The following TMEM50A variants were observed in gnomAD, a reference collection of about 807,000 sequenced individuals.
TMEM50A encodes transmembrane protein 50A, also known as cervical cancer oncogene 9.
TMEM50A carries 8 observed loss-of-function variants against 23.9 expected under a neutral mutation model. That is an observed-to-expected ratio of 0.33 (90% CI 0.20 to 0.60). TMEM50A has a LOEUF of 0.60. Ranked by LOEUF, TMEM50A falls within the 20% of genes least tolerant of loss-of-function variation. The pLI, the probability that TMEM50A is intolerant of heterozygous loss-of-function variation, is 0.81. For synonymous variants in TMEM50A, 55 were observed against 60.4 expected, an observed-to-expected ratio of 0.91 and a Z score of 0.41; for missense variants, 178 against 192.7, an observed-to-expected ratio of 0.92 and a Z score of 0.45.
At chr1:25,353,796 T>C (rs1395213878) in intron 5 of TMEM50A, among the ~76,000 whole-genome samples, 1 of 152,170 alleles carries the variant, frequency 6.6e-6, no homozygotes, top group African/African-American at 2.4e-5. Flanking sequence ...ATGGGTGTCA[T>C]AGTAAAAATA....
At chr1:25,359,750 C>T (rs902035176) in intron 6 of TMEM50A, among the ~76,000 whole-genome samples, 6 of 152,014 alleles carry the variant, frequency 3.9e-5, no homozygotes, top group Admixed American at 6.6e-5. Flanking sequence ...TTCCTGTCCC[C>T]GAAACACCTG....
intron 3 of TMEM50A, among the ~76,000 whole-genome samples, chr1:25,348,706 T>A (rs984637977): frequency 1.3e-5 from 2 of 151,072 alleles, no homozygotes; most frequent in African/African-American, 4.9e-5. Context: ...AAGTAGGATA[T>A]GCCAATAAGC....
intron 3 of TMEM50A, among the ~76,000 whole-genome samples, chr1:25,346,368 A>G (rs901727175): frequency 1.3e-5 from 2 of 151,968 alleles, no homozygotes; most frequent in Non-Finnish European, 2.9e-5. Flanking sequence ...CCTAAGAACT[A>G]CAAAAGAATC....
Position 25,353,942 on chromosome 1 carries a change from G to A in TMEM50A, c.367+968G>A, listed in dbSNP as rs928765603. On this transcript the variant is annotated intron_variant, in intron 5 of 6. Coordinates refer to ENST00000374358, the MANE Select transcript of TMEM50A (RefSeq NM_014313.4). Reference sequence around the variant, plus strand: ...TTTATTAAAATCATTTAATCTCATAGATGGGAGTAATAGATATTTCCAAAT... The same window carrying A: ...TTTATTAAAATCATTTAATCTCATAAATGGGAGTAATAGATATTTCCAAAT... Among the ~76,000 whole-genome samples the A allele has an allele frequency of 7.9e-5, 12 of 152,114 alleles. 1 individual carries two copies. In the South Asian group the frequency reaches 2.5e-3, roughly 32 times the overall value.
intron 5 of TMEM50A, among the ~76,000 whole-genome samples, chr1:25,355,920 C>T (rs951411483): frequency 2.0e-5 from 3 of 152,216 alleles, no homozygotes; most frequent in Admixed American, 2.0e-4. Context: ...TCAAAGATGA[C>T]ATTTGTCTTC....
chr1:25,339,669 C>T (rs2124229961), intron 1 of TMEM50A, among the ~76,000 whole-genome samples: 1 of 152,274 alleles, frequency 6.6e-6, no homozygotes, highest in African/African-American at 2.4e-5. Context: ...TATCACTTGT[C>T]TCTCTACTAA....
intron 5 of TMEM50A, among the ~76,000 whole-genome samples, chr1:25,354,326 T>A (rs1260203251): frequency 6.6e-6 from 1 of 152,014 alleles, no homozygotes; most frequent in Non-Finnish European, 1.5e-5. Flanking sequence ...TTACCAAAAT[T>A]GTAGAAAATA....
intron 3 of TMEM50A, among the ~76,000 whole-genome samples, chr1:25,345,321 C>T (rs1645203277): frequency 6.6e-6 from 1 of 152,178 alleles, no homozygotes; most frequent in South Asian, 2.1e-4. Flanking sequence ...TGGCTCACGC[C>T]TGTAATCCCA....
At chr1:25,341,385 A>C (rs757517615) in intron 2 of TMEM50A, among the ~76,000 whole-genome samples, 12 of 151,878 alleles carry the variant, frequency 7.9e-5, no homozygotes, top group Non-Finnish European at 1.8e-4. Context: ...CAGCCTCCCG[A>C]GTAGCTGGGA....
intron 3 of TMEM50A, among the ~76,000 whole-genome samples, chr1:25,345,104 C>G (rs1295163096): frequency 6.6e-6 from 1 of 150,720 alleles, no homozygotes; most frequent in Non-Finnish European, 1.5e-5. Flanking sequence ...CACTGTTTTT[C>G]CAGTTACCAC....
chr1:25,350,680 G>A (rs1358672504), intron 3 of TMEM50A, among the ~76,000 whole-genome samples: 2 of 151,546 alleles, frequency 1.3e-5, no homozygotes, highest in Non-Finnish European at 2.9e-5. Flanking sequence ...GAACCACCAC[G>A]CCCAGCCTCG....
chr1:25,354,257 T>TG (rs994445576), intron 5 of TMEM50A, among the ~76,000 whole-genome samples: 1 of 152,194 alleles, frequency 6.6e-6, no homozygotes, highest in Non-Finnish European at 1.5e-5. Context: ...CCCAAAGTGC[T>TG]GGGATTACAG....
intron 6 of TMEM50A, among the ~76,000 whole-genome samples, chr1:25,359,085 C>G (rs1263021286): frequency 6.6e-6 from 1 of 152,184 alleles, no homozygotes; most frequent in African/African-American, 2.4e-5. Flanking sequence ...GTGCCTGGGA[C>G]TGCGCACCAG....
intron 6 of TMEM50A, 88 bp from the exon 7 acceptor site, chr1:25,360,572 C>T (rs1571811263): frequency 1.3e-5 from 18 of 1,432,282 alleles, no homozygotes; most frequent in African/African-American, 8.5e-5. Flanking sequence ...AATTATTCTT[C>T]GTTGTTTGTT....
rs60773283 is a variant in TMEM50A, at chr1:25,357,609, AGTGTGT to A, written c.428+791_428+796del. 3.0e-3 allele frequency among the ~76,000 whole-genome samples: 334 copies of A among 111,530 alleles called. 3 individuals carry two copies. Among genetic ancestry groups the A allele is most frequent in the African/African-American group, 0.011 (310 of 28,256 alleles). 73.2% of individuals were successfully genotyped at this position (111,530 alleles called of 152,430 possible). A position where few individuals can be genotyped will look rare whatever the true frequency, so the allele number is the denominator to read the frequency against. ...GAGACAGAGTCTCAGTCTCTCACCC[AGTGTGT>A]GTGTGTGTGTGTGTGTGTGTGTGTG... On this transcript the variant is annotated intron_variant, in intron 6 of 6. Transcript: ENST00000374358.
At chr1:25,351,838 C>T (rs1645278360) in intron 4 of TMEM50A, 145 bp downstream of exon 4, 1 of 713,190 alleles carries the variant, frequency 1.4e-6, no homozygotes, top group Non-Finnish European at 2.2e-6. Flanking sequence ...ATGTTTTGGG[C>T]TTGAAATTGG....
chr1:25,351,180 AAAGG>A (rs1278638994), intron 3 of TMEM50A, among the ~76,000 whole-genome samples: 3 of 151,820 alleles, frequency 2.0e-5, no homozygotes, highest in African/African-American at 7.3e-5. Flanking sequence ...AAAAAAAAAA[AAAGG>A]AGTATCTGGT....
chr1:25,349,375 T>C (rs1197771355), intron 3 of TMEM50A, among the ~76,000 whole-genome samples: 4 of 152,220 alleles, frequency 2.6e-5, no homozygotes, highest in Non-Finnish European at 4.4e-5. Context: ...CACAGAGGGC[T>C]CTGAAGTTTA....
At chr1:25,359,759 T>A (rs1330952839) in intron 6 of TMEM50A, among the ~76,000 whole-genome samples, 1 of 152,166 alleles carries the variant, frequency 6.6e-6, no homozygotes, top group East Asian at 1.9e-4. Context: ...CCGAAACACC[T>A]GCCTTCATCA....
Sources: allele counts gnomAD v4.1 joint callset (sites outside exome capture counted in the v4.1 genomes callset), GRCh38; gene constraint gnomAD v4.1.1; transcripts MANE v1.5; gene names NCBI Gene and HGNC (gene_info 2026-07-23, HGNC 2026-07-21).